OTUD7A: variants seen among roughly 807,000 people sequenced by gnomAD.
The protein encoded by OTUD7A is OTU domain-containing protein 7A.
Under a neutral mutation model 65.7 loss-of-function variants are expected in OTUD7A, and 12 were observed. The observed-to-expected ratio is 0.18, with a 90% CI of 0.12 to 0.30. The LOEUF (loss-of-function observed/expected upper bound fraction) is 0.30, where lower values mean the gene tolerates loss of function less well. Among genes scored for constraint, OTUD7A ranks in the 10% least tolerant of loss-of-function variants. OTUD7A has a pLI of 1.00. For missense variants in OTUD7A, 1,148 were observed against 1,304.8 expected (o/e 0.88, Z 1.85); for synonymous variants, 641 against 586.3 (o/e 1.09, Z -1.35).
chr15:31,617,347 C>T lies in OTUD7A; in HGVS notation c.151+37749G>A, dbSNP rs561091402. On this transcript the variant is annotated intron_variant, in intron 3 of 12. Coordinates refer to ENST00000307050, the MANE Select transcript of OTUD7A (RefSeq NM_001382637.1). ...ACTAAAAATACAAAAATTAGCTGGC[C>T]GTGGTGGCAGGTGCCTGTAGTCCCA... Among the ~76,000 whole-genome samples the T allele has an allele frequency of 2.6e-5, 4 of 152,014 alleles. No individual in the cohort carries two copies. In the South Asian group the frequency reaches 6.3e-4, roughly 24 times the overall value.
At chr15:31,803,971 AG>A (rs1227984737) in intron 1 of OTUD7A, among the ~76,000 whole-genome samples, 1 of 152,188 alleles carries the variant, frequency 6.6e-6, no homozygotes, top group Non-Finnish European at 1.5e-5. Flanking sequence ...CCAGATGACA[AG>A]CTTAATCCCC....
At chr15:31,615,706 C>T (rs1890565363) in intron 3 of OTUD7A, among the ~76,000 whole-genome samples, 1 of 152,202 alleles carries the variant, frequency 6.6e-6, no homozygotes, top group South Asian at 2.1e-4. Flanking sequence ...AAAGCAAGTC[C>T]CAAATTTCAA....
At chr15:31,561,946 G>C (rs1888705625) in intron 4 of OTUD7A, among the ~76,000 whole-genome samples, 1 of 152,136 alleles carries the variant, frequency 6.6e-6, no homozygotes, top group African/African-American at 2.4e-5. Flanking sequence ...CATAGTACAA[G>C]AATGTACAGA....
chr15:31,726,905 A>G (rs1348004892), intron 1 of OTUD7A, among the ~76,000 whole-genome samples: 1 of 152,264 alleles, frequency 6.6e-6, no homozygotes, highest in Non-Finnish European at 1.5e-5. Context: ...TAGTAACAGA[A>G]AAACACATGC....
At chr15:31,830,232 C>T (rs1474448889) in intron 1 of OTUD7A, among the ~76,000 whole-genome samples, 5 of 152,142 alleles carry the variant, frequency 3.3e-5, no homozygotes, top group Non-Finnish European at 4.4e-5. Flanking sequence ...TGATTTTAAA[C>T]GTTCTGTTCA....
intron 1 of OTUD7A, among the ~76,000 whole-genome samples, chr15:31,674,657 G>A (rs7177516): frequency 0.056 from 8,555 of 152,136 alleles, 822 homozygotes; most frequent in African/African-American, 0.2. Context: ...GTGCCATGCT[G>A]GACGACGATC....
At chr15:31,595,544 A>G (rs1257112649) in intron 3 of OTUD7A, among the ~76,000 whole-genome samples, 1 of 151,818 alleles carries the variant, frequency 6.6e-6, no homozygotes, top group Admixed American at 6.5e-5. Context: ...AGTTCATCAC[A>G]TCAGATGGCC....
chr15:31,663,977 T>G (rs1467996922), intron 1 of OTUD7A, among the ~76,000 whole-genome samples: 1 of 152,216 alleles, frequency 6.6e-6, no homozygotes, highest in South Asian at 2.1e-4. Flanking sequence ...TCCAGTCTCA[T>G]CCAGGTCACT....
chr15:31,722,690 G>A (rs2024287996), intron 1 of OTUD7A, among the ~76,000 whole-genome samples: 1 of 152,240 alleles, frequency 6.6e-6, no homozygotes, highest in Admixed American at 6.5e-5. Flanking sequence ...CAGGGCCCAG[G>A]AGGAACTGCT....
chr15:31,760,221 T>C (rs900302662), intron 1 of OTUD7A, among the ~76,000 whole-genome samples: 1 of 152,144 alleles, frequency 6.6e-6, no homozygotes, highest in African/African-American at 2.4e-5. Context: ...TACCTCCCTT[T>C]GGATGCTACC....
chr15:31,789,896 G>A (rs746996178), intron 1 of OTUD7A, among the ~76,000 whole-genome samples: 2 of 152,094 alleles, frequency 1.3e-5, no homozygotes, highest in Non-Finnish European at 2.9e-5. Flanking sequence ...AGTAGCCAAT[G>A]CTGCATTTTA....
At position 31,631,675 on chromosome 15, in the gene OTUD7A, G is replaced by T. The variant is rs558176172; in HGVS notation, c.151+23421C>A. Among the ~76,000 whole-genome samples, 63 of 152,294 alleles carry T rather than the reference G, an allele frequency of 4.1e-4. 1 individual carries two copies. Among genetic ancestry groups the T allele is most frequent in the African/African-American group, 1.4e-3 (59 of 41,552 alleles). On this transcript the variant is annotated intron_variant, in intron 3 of 12. Transcript: ENST00000307050. Reference sequence around the variant, plus strand: ...GGGAAGTTCTCCTGGAAAATATCCTGCAGAGTGTTTTCCAACTTGGTTCCA... The same window carrying T: ...GGGAAGTTCTCCTGGAAAATATCCTTCAGAGTGTTTTCCAACTTGGTTCCA...
chr15:31,626,621 G>T (rs973401015), intron 3 of OTUD7A, among the ~76,000 whole-genome samples: 4 of 152,170 alleles, frequency 2.6e-5, no homozygotes, highest in African/African-American at 9.7e-5. Flanking sequence ...TGTTGCCCAA[G>T]TTGGATTGCA....
chr15:31,671,133 T>C (rs541765997), intron 1 of OTUD7A, among the ~76,000 whole-genome samples: 2 of 152,362 alleles, frequency 1.3e-5, no homozygotes, highest in East Asian at 3.9e-4. Flanking sequence ...GTTTTTGCCA[T>C]GAAATCTTTG....
At chr15:31,829,840 C>A (rs1567044531) in intron 1 of OTUD7A, among the ~76,000 whole-genome samples, 1 of 152,190 alleles carries the variant, frequency 6.6e-6, no homozygotes, top group Non-Finnish European at 1.5e-5. Context: ...GACCCAGACA[C>A]ACTTAACCTA....
intron 1 of OTUD7A, among the ~76,000 whole-genome samples, chr15:31,716,768 A>G (rs547929504): frequency 6.6e-6 from 1 of 151,032 alleles, no homozygotes; most frequent in East Asian, 1.9e-4. Context: ...TACACTATGC[A>G]GAATCTGTGC....
intron 8 of OTUD7A, among the ~76,000 whole-genome samples, chr15:31,510,389 C>T (rs1475444801): frequency 4.7e-5 from 7 of 149,324 alleles, no homozygotes; most frequent in Non-Finnish European, 3.0e-5. Context: ...TTTTTTTTTT[C>T]CCCTTCCCCT....
intron 5 of OTUD7A, chr15:31,556,523 G>C (rs967905558): frequency 2.6e-5 from 4 of 152,278 alleles, no homozygotes; most frequent in African/African-American, 9.6e-5. Context: ...TAAAATATAA[G>C]TGATAAAAAT....
At chr15:31,499,554 C>G (rs2041433749) in intron 10 of OTUD7A, among the ~76,000 whole-genome samples, 1 of 152,260 alleles carries the variant, frequency 6.6e-6, no homozygotes, top group East Asian at 1.9e-4. Flanking sequence ...AGCTGGGACT[C>G]TGTCCCGTCC....
Sources: gnomAD v4.1 joint callset for allele counts (sites outside exome capture counted in the v4.1 genomes callset) on GRCh38, gnomAD v4.1.1 for gene constraint, MANE v1.5 for transcripts, NCBI Gene and HGNC (gene_info 2026-07-23, HGNC 2026-07-21) for gene names.